The following LMBR1 variants were observed in gnomAD, a reference collection of about 807,000 sequenced individuals.
LMBR1 encodes the protein limb development membrane protein 1.
Under a neutral mutation model 73.9 loss-of-function variants are expected in LMBR1, and 52 were observed. The observed-to-expected ratio is 0.70, with a 90% CI of 0.56 to 0.89. The LOEUF (loss-of-function observed/expected upper bound fraction) is 0.89. Ranked by LOEUF, LMBR1 falls within the 40% of genes least tolerant of loss-of-function variation. The pLI is 0.00. For synonymous variants in LMBR1, 215 were observed against 209.4 expected, an observed-to-expected ratio of 1.03 and a Z score of -0.23; for missense variants, 539 against 579.8, an observed-to-expected ratio of 0.93 and a Z score of 0.72.
chr7:156,672,113 T>G (rs1373617460), intron 4 of LMBR1, among the ~76,000 whole-genome samples: 2 of 152,186 alleles, frequency 1.3e-5, no homozygotes, highest in African/African-American at 4.8e-5. Flanking sequence ...AAGCATTTAT[T>G]TGCTTTCTTG....
At chr7:156,820,286 G>A (rs894075042) in intron 4 of LMBR1, among the ~76,000 whole-genome samples, 1 of 152,122 alleles carries the variant, frequency 6.6e-6, no homozygotes, top group African/African-American at 2.4e-5. Flanking sequence ...AAGACCACTA[G>A]AAGCAGTTTG....
rs10253344 is a variant in LMBR1, at chr7:156,869,243, T to C, written c.66+23685A>G. Among the ~76,000 whole-genome samples, 1,021 of 152,266 alleles carry C rather than the reference T, an allele frequency of 6.7e-3. 8 individuals carry two copies. Among genetic ancestry groups the C allele is most frequent in the Middle Eastern group, 0.034 (10 of 294 alleles). ...AGGAAATTAACCTGTACTATTATAT[T>C]TGGATATAATATTCAAAACCCTAAG... On this transcript the variant is annotated intron_variant, in intron 1 of 16. Coordinates refer to ENST00000353442, the MANE Select transcript of LMBR1 (RefSeq NM_022458.4).
Position 156,763,812 on chromosome 7 carries a change from A to G in LMBR1, c.424-17T>C. 6.4e-7 allele frequency: 1 copy of G among 1,572,914 alleles called. No homozygotes were observed. Among genetic ancestry groups the G allele is most frequent in the Non-Finnish European group, 8.6e-7 (1 of 1,165,472 alleles). On this transcript the variant is annotated splice_polypyrimidine_tract_variant and intron_variant, in intron 5 of 16. Transcript: ENST00000353442. ...TCGGATTCCCTGAAAAATAGAGTAG[A>G]AATATAATTTTAGTATTTTACTTCA...
intron 5 of LMBR1, among the ~76,000 whole-genome samples, chr7:156,793,562 C>T (rs1829592290): frequency 6.6e-6 from 1 of 152,150 alleles, no homozygotes. Flanking sequence ...TATTTTAAAA[C>T]CGCCTGAGAT....
intron 15 of LMBR1, among the ~76,000 whole-genome samples, chr7:156,716,871 C>T (rs1466948331): frequency 5.9e-5 from 9 of 152,094 alleles, no homozygotes; most frequent in African/African-American, 1.4e-4. Flanking sequence ...GTAATCCCAA[C>T]GCTTTGGGAG....
At chr7:156,865,828 G>A (rs1586324708) in intron 1 of LMBR1, among the ~76,000 whole-genome samples, 1 of 152,218 alleles carries the variant, frequency 6.6e-6, no homozygotes, top group South Asian at 2.1e-4. Flanking sequence ...TTCAGTTGGG[G>A]GTATGGGGGA....
At chr7:156,881,130 G>A (rs1410506044) in intron 1 of LMBR1, among the ~76,000 whole-genome samples, 1 of 152,122 alleles carries the variant, frequency 6.6e-6, no homozygotes, top group East Asian at 1.9e-4. Flanking sequence ...GTATAGTACT[G>A]ACATAAAGAC....
chr7:156,781,382 C>T (rs2133191794), intron 5 of LMBR1, among the ~76,000 whole-genome samples: 1 of 152,266 alleles, frequency 6.6e-6, no homozygotes, highest in African/African-American at 2.4e-5. Flanking sequence ...TCACTCCAGA[C>T]TAGTCCCCCG....
At chr7:156,676,813 T>C (rs1804143801), downstream of LMBR1, 2 of 606,912 alleles carry the variant, frequency 3.3e-6, no homozygotes, top group Non-Finnish European at 5.8e-6. Flanking sequence ...TTTTAAAAGC[T>C]GACATCCCAC....
In LMBR1 at chr7:156,724,814, AC is replaced by A. The variant is rs1815367046; in HGVS notation, c.1158+620del. On this transcript the variant is annotated intron_variant, in intron 14 of 16. Coordinates refer to ENST00000353442, the MANE Select transcript of LMBR1 (RefSeq NM_022458.4). ...TGTGTGTGTGTGTGTGTGTAAAATA[AC>A]TTCTCCCCTTTAAGTAGGCTAAAAA... 3.4e-5 allele frequency among the ~76,000 whole-genome samples: 5 copies of A among 148,638 alleles called. No individual in the cohort carries two copies. In the South Asian group the frequency reaches 1.1e-3, roughly 32 times the overall value.
chr7:156,827,958 C>T (rs1285171994), intron 3 of LMBR1, among the ~76,000 whole-genome samples: 4 of 152,264 alleles, frequency 2.6e-5, no homozygotes, highest in East Asian at 1.9e-4. Context: ...CAATAGACAC[C>T]GCATTTCCTG....
At chr7:156,800,562 G>A (rs1463822673) in intron 4 of LMBR1, among the ~76,000 whole-genome samples, 1 of 150,718 alleles carries the variant, frequency 6.6e-6, no homozygotes, top group Non-Finnish European at 1.5e-5. Context: ...AAGAGCCCTG[G>A]TGGAGATGTT....
chr7:156,859,913 T>C (rs1482192297), intron 1 of LMBR1, among the ~76,000 whole-genome samples: 1 of 152,180 alleles, frequency 6.6e-6, no homozygotes, highest in African/African-American at 2.4e-5. Context: ...CCTACAATAA[T>C]CAAGACTATG....
intron 1 of LMBR1, among the ~76,000 whole-genome samples, chr7:156,881,512 T>A (rs111707550): frequency 1.3e-5 from 2 of 152,152 alleles, no homozygotes; most frequent in Admixed American, 1.3e-4. Context: ...AAAAAGTTTC[T>A]GTACAGCAAA....
At chr7:156,704,402 A>G (rs1810459258) in intron 15 of LMBR1, among the ~76,000 whole-genome samples, 1 of 152,190 alleles carries the variant, frequency 6.6e-6, no homozygotes, top group Non-Finnish European at 1.5e-5. Flanking sequence ...AAAGCCAAAC[A>G]GCCCTACCTG....
At chr7:156,733,301 T>TA (rs893964127) in intron 10 of LMBR1, among the ~76,000 whole-genome samples, 19 of 151,800 alleles carry the variant, frequency 1.3e-4, no homozygotes, top group African/African-American at 3.6e-4. Context: ...GATTATGAGG[T>TA]AAAAAAATCA....
intron 14 of LMBR1, 58 bp downstream of exon 14, chr7:156,725,377 A>G: frequency 1.0e-6 from 1 of 979,388 alleles, no homozygotes; most frequent in Admixed American, 2.2e-5. Flanking sequence ...CTATTAAATA[A>G]AGCAGTCTGT....
At chr7:156,886,370 C>T (rs1801905299) in intron 1 of LMBR1, among the ~76,000 whole-genome samples, 1 of 152,182 alleles carries the variant, frequency 6.6e-6, no homozygotes, top group South Asian at 2.1e-4. Flanking sequence ...AGGTCATGCA[C>T]ATGCAGGCTG....
rs190313120 is a variant in LMBR1, at chr7:156,785,099, G to A, written c.423+11290C>T. Among the ~76,000 whole-genome samples, 251 of 152,188 alleles carry A rather than the reference G, an allele frequency of 1.6e-3. 1 individual carries two copies. Among genetic ancestry groups the A allele is most frequent in the Middle Eastern group, 6.8e-3 (2 of 294 alleles). On this transcript the variant is annotated intron_variant, in intron 5 of 16. Coordinates refer to ENST00000353442, the MANE Select transcript of LMBR1 (RefSeq NM_022458.4). ...ATAATCCAAGTACAAATGTTGACAG[G>A]TACTTTGGAATGATACAAAACATGA...
Sources: gnomAD v4.1 joint callset for allele counts (sites outside exome capture counted in the v4.1 genomes callset) on GRCh38, gnomAD v4.1.1 for gene constraint, MANE v1.5 for transcripts, NCBI Gene and HGNC (gene_info 2026-07-23, HGNC 2026-07-21) for gene names.